Variants in MARK3 observed in about 807,000 individuals in gnomAD.
MARK3 encodes MAP/microtubule affinity-regulating kinase 3.
Under a neutral mutation model 90.1 loss-of-function variants are expected in MARK3, and 46 were observed. The observed-to-expected ratio is 0.51, with a 90% CI of 0.40 to 0.65. MARK3 has a LOEUF of 0.65. MARK3 is among the 30% of genes least tolerant of loss of function. The pLI is 0.00. For missense variants in MARK3, 818 were observed against 947.2 expected (o/e 0.86, Z 1.79); for synonymous variants, 321 against 332.6 (o/e 0.97, Z 0.38).
intron 3 of MARK3, chr14:103,441,448 C>G (rs1444512697): frequency 2.0e-5 from 3 of 152,108 alleles, no homozygotes; most frequent in Non-Finnish European, 2.9e-5. Context: ...TCACGCCTGG[C>G]TAATTTTTTT....
chr14:103,413,609 A>AT (rs1212737631), intron 2 of MARK3, among the ~76,000 whole-genome samples: 20 of 139,490 alleles, frequency 1.4e-4, no homozygotes, highest in South Asian at 4.3e-4. Context: ...ATTTTATTTT[A>AT]TTTATTTATT....
chr14:103,443,466 G>T (rs1351504607), intron 3 of MARK3, among the ~76,000 whole-genome samples: 1 of 152,132 alleles, frequency 6.6e-6, no homozygotes, highest in Non-Finnish European at 1.5e-5. Flanking sequence ...CTAAATACTG[G>T]TACATTTATC....
At chr14:103,431,437 C>G (rs2141077622) in intron 3 of MARK3, among the ~76,000 whole-genome samples, 1 of 152,190 alleles carries the variant, frequency 6.6e-6, no homozygotes, top group Middle Eastern at 3.4e-3. Flanking sequence ...TCGAGACCAG[C>G]CTGGTCAACA....
intron 3 of MARK3, among the ~76,000 whole-genome samples, chr14:103,436,604 G>A (rs2092722355): frequency 7.2e-6 from 1 of 139,078 alleles, no homozygotes; most frequent in Non-Finnish European, 1.6e-5. Flanking sequence ...TGAAATCCAA[G>A]ACAGGCACTT....
chr14:103,414,734 A>G (rs979297501), intron 2 of MARK3, among the ~76,000 whole-genome samples: 4 of 152,224 alleles, frequency 2.6e-5, no homozygotes, highest in Non-Finnish European at 4.4e-5. Flanking sequence ...CCTTGGGGTA[A>G]GAACAGAGAT....
chr14:103,424,568 G>T (rs1280439816), intron 2 of MARK3, among the ~76,000 whole-genome samples: 1 of 151,884 alleles, frequency 6.6e-6, no homozygotes, highest in Non-Finnish European at 1.5e-5. Context: ...ATAGGAGGAG[G>T]ATATTGAGCA....
chr14:103,431,752 C>G (rs1002137944), intron 3 of MARK3, among the ~76,000 whole-genome samples: 2 of 152,104 alleles, frequency 1.3e-5, no homozygotes, highest in Admixed American at 1.3e-4. Flanking sequence ...GAGCCTTTTC[C>G]CCTTACTTCA....
intron 14 of MARK3, among the ~76,000 whole-genome samples, chr14:103,488,324 C>T (rs1595912079): frequency 6.6e-6 from 1 of 152,114 alleles, no homozygotes. Flanking sequence ...AACTTCTTCC[C>T]ACACACAGCT....
At position 103,502,955 on chromosome 14, in the gene MARK3, A is replaced by C; in HGVS notation, c.1990A>C (p.Met664Leu). ...TCGATCCCTACGCTTCACCTGGAGC[A>C]TGAAAACCACTAGTTCAATGGATCC... ...KPRSLRFTWS[M>L]KTTSSMDPGD... Residue 664 changes from methionine to leucine, a missense_variant, in exon 18 of 18, where the codon ATG becomes CTG. This residue lies in a region of MARK3 where 560 missense variants were observed against 613.5 expected (regional missense o/e 0.91). Transcript: ENST00000429436. 1.2e-6 allele frequency: 2 copies of C among 1,614,298 alleles called. No individual in the cohort carries two copies. Among genetic ancestry groups the C allele is most frequent in the Non-Finnish European group, 1.7e-6 (2 of 1,180,052 alleles).
chr14:103,493,267 T>TTC (rs2075115274), intron 15 of MARK3, among the ~76,000 whole-genome samples: 1 of 145,908 alleles, frequency 6.9e-6, no homozygotes, highest in Non-Finnish European at 1.5e-5. Flanking sequence ...AATTTTTTTT[T>TTC]TTTTTTTGAG....
intron 2 of MARK3, among the ~76,000 whole-genome samples, chr14:103,423,140 G>T (rs2092280905): frequency 7.0e-6 from 1 of 143,392 alleles, no homozygotes; most frequent in Non-Finnish European, 1.5e-5. Flanking sequence ...GGTTATGGCA[G>T]TCCAAGATGA....
In MARK3 at chr14:103,475,171, G is replaced by A. The variant is rs549864859; in HGVS notation, c.1443G>A (p.Ala481=). The part of the protein sequence containing the change: ...MLGNASNPNK[A]DIPERKKSST... ...GGAATGCAAGTAATCCTAATAAGGC[G>A]GATATTCCTGAACGCAAGAAAAGCT... Residue 481 remains alanine (A), a synonymous_variant, in exon 13 of 18, where the codon GCG becomes GCA. Transcript: ENST00000429436. 24 of 1,613,808 alleles carry A rather than the reference G, an allele frequency of 1.5e-5. No homozygotes were observed. The highest frequency in any genetic ancestry group is 1.3e-4 in the East Asian group (6 of 44,866).
chr14:103,441,204 G>A (rs1161382706), intron 3 of MARK3, among the ~76,000 whole-genome samples: 1 of 152,066 alleles, frequency 6.6e-6, no homozygotes, highest in East Asian at 1.9e-4. Flanking sequence ...TCAGTGAATA[G>A]CAGAGGCTCC....
chr14:103,502,839 T>C, intron 17 of MARK3, 43 bp from the exon 18 acceptor site: 1 of 1,522,586 alleles, frequency 6.6e-7, no homozygotes, highest in Non-Finnish European at 9.0e-7. Context: ...AGAGGTTGAT[T>C]TTCCTGTACG....
At chr14:103,468,510 A>C (rs1423249664) in intron 12 of MARK3, among the ~76,000 whole-genome samples, 1 of 150,624 alleles carries the variant, frequency 6.6e-6, no homozygotes, top group African/African-American at 2.4e-5. Context: ...TTTTTAGTAG[A>C]GACGGGGTTT....
chr14:103,398,527 T>A (rs1250501144), intron 1 of MARK3, among the ~76,000 whole-genome samples: 1 of 152,174 alleles, frequency 6.6e-6, no homozygotes, highest in African/African-American at 2.4e-5. Flanking sequence ...CCTAGTTTGC[T>A]ATAGGAATTT....
chr14:103,459,024 A>T (rs996082721), intron 6 of MARK3, among the ~76,000 whole-genome samples: 1 of 152,182 alleles, frequency 6.6e-6, no homozygotes, highest in Admixed American at 6.5e-5. Context: ...TGTATGGTCT[A>T]TTAAAGGAAA....
chr14:103,430,002 G>C (rs369470470), intron 3 of MARK3, among the ~76,000 whole-genome samples: 2 of 151,488 alleles, frequency 1.3e-5, no homozygotes, highest in East Asian at 3.9e-4. Flanking sequence ...TATTTTTTTG[G>C]TAATGATTTT....
chr14:103,433,088 C>CTTTTTT (rs371171878), intron 3 of MARK3, among the ~76,000 whole-genome samples: 15 of 116,028 alleles, frequency 1.3e-4, no homozygotes, highest in South Asian at 2.7e-4. Flanking sequence ...CTTTTCTTTT[C>CTTTTTT]TTTTCTTTTT....
Sources: gnomAD v4.1 joint callset for allele counts (sites outside exome capture counted in the v4.1 genomes callset) on GRCh38, gnomAD v4.1.1 for gene constraint, gnomAD v4.1.1 regional missense constraint, MANE v1.5 for transcripts, NCBI Gene and HGNC (gene_info 2026-07-23, HGNC 2026-07-21) for gene names.